ANK1: variants seen among roughly 807,000 people sequenced by gnomAD.
ANK1 encodes the protein ankyrin-1.
ANK1 carries 51 observed loss-of-function variants against 210.4 expected under a neutral mutation model. The ratio of observed to expected loss-of-function variants is 0.24; its 90% confidence interval spans 0.19 to 0.31. The LOEUF (loss-of-function observed/expected upper bound fraction) is 0.31, where lower values mean the gene tolerates loss of function less well. Among genes scored for constraint, ANK1 ranks in the 10% least tolerant of loss-of-function variants. ANK1 has a pLI of 1.00. For synonymous variants in ANK1, 967 were observed against 1,025.9 expected (o/e 0.94, Z 1.10); for missense variants, 2,051 against 2,504.4 (o/e 0.82, Z 3.86).
intron 1 of ANK1, among the ~76,000 whole-genome samples, chr8:41,862,928 C>T (rs1175140039): frequency 6.6e-6 from 1 of 152,114 alleles, no homozygotes; most frequent in East Asian, 1.9e-4. Flanking sequence ...AGGAGGATTG[C>T]TTGAGCCCAG....
chr8:41,840,501 C>T (rs1349623872), intron 1 of ANK1, among the ~76,000 whole-genome samples: 1 of 152,150 alleles, frequency 6.6e-6, no homozygotes, highest in African/African-American at 2.4e-5. Flanking sequence ...ACCTTTATTC[C>T]TCACAGTTCA....
At chr8:41,793,997 G>A (rs568761843) in intron 1 of ANK1, among the ~76,000 whole-genome samples, 11 of 152,240 alleles carry the variant, frequency 7.2e-5, no homozygotes, top group African/African-American at 2.6e-4. Flanking sequence ...AGTTGAGAAC[G>A]GTTGTACTAC....
At chr8:41,734,299 G>A (rs989631722) in intron 2 of ANK1, among the ~76,000 whole-genome samples, 5 of 152,192 alleles carry the variant, frequency 3.3e-5, no homozygotes, top group Admixed American at 1.3e-4. Flanking sequence ...GAACTAGCCC[G>A]CCACTCCCAG....
intron 1 of ANK1, among the ~76,000 whole-genome samples, chr8:41,796,773 C>CTTT (rs1415030236): frequency 6.6e-6 from 1 of 151,716 alleles, no homozygotes; most frequent in Non-Finnish European, 1.5e-5. Context: ...AACTAAGAAC[C>CTTT]GTACCCAACA....
intron 1 of ANK1, among the ~76,000 whole-genome samples, chr8:41,844,530 C>T (rs1267513755): frequency 6.6e-6 from 1 of 152,142 alleles, no homozygotes; most frequent in African/African-American, 2.4e-5. Context: ...CCCACACACA[C>T]ACTGCCACAG....
upstream of ANK1, among the ~76,000 whole-genome samples, chr8:41,798,986 T>G (rs948126030): frequency 5.9e-5 from 9 of 151,882 alleles, no homozygotes; most frequent in African/African-American, 1.9e-4. Context: ...CGTCTGTGTT[T>G]TCCACAGCAG....
intron 1 of ANK1, among the ~76,000 whole-genome samples, chr8:41,808,307 G>A (rs1851265132): frequency 6.6e-6 from 1 of 152,220 alleles, no homozygotes; most frequent in Non-Finnish European, 1.5e-5. Flanking sequence ...AAGCACTGGA[G>A]TAAGATGGTC....
rs59352080 is a variant in ANK1 at position 41,718,326 on chromosome 8, T to C, written c.1108-122A>G. 1,761 of 830,808 alleles carry C rather than the reference T, an allele frequency of 2.1e-3. 24 individuals are homozygous for C. In the African/African-American group the frequency reaches 0.026, roughly 12 times the overall value. 51.5% of individuals were successfully genotyped at this position (830,808 alleles called of 1,614,324 possible). Reference sequence around the variant, plus strand: ...TGCCCAGGCCACCAGCAGATGCCCATAGACCAATCAACGAATTAATGCCAA... The same window carrying C: ...TGCCCAGGCCACCAGCAGATGCCCACAGACCAATCAACGAATTAATGCCAA... On this transcript the variant is annotated intron_variant, in intron 10 of 42. Transcript: ENST00000289734.
intron 2 of ANK1, among the ~76,000 whole-genome samples, chr8:41,747,587 T>C (rs916800824): frequency 1.3e-5 from 2 of 152,214 alleles, no homozygotes; most frequent in African/African-American, 4.8e-5. Flanking sequence ...TGGAGCCTGG[T>C]GCATAAGGTT....
intron 1 of ANK1, among the ~76,000 whole-genome samples, chr8:41,866,744 A>G (rs1191629423): frequency 1.3e-5 from 2 of 152,226 alleles, no homozygotes. Context: ...CACTCAGCAC[A>G]TCGTCCTCAA....
chr8:41,865,628 C>T (rs1322716138), intron 1 of ANK1, among the ~76,000 whole-genome samples: 6 of 152,050 alleles, frequency 3.9e-5, no homozygotes, highest in African/African-American at 1.4e-4. Flanking sequence ...TGATTCTCTC[C>T]CCTCCTTTCC....
At chr8:41,832,519 C>G (rs909064417) in intron 1 of ANK1, among the ~76,000 whole-genome samples, 2 of 152,200 alleles carry the variant, frequency 1.3e-5, no homozygotes, top group African/African-American at 4.8e-5. Context: ...GCCACTCTCC[C>G]ACCCCCAGGC....
At chr8:41,759,853 T>C (rs1009401169) in intron 1 of ANK1, among the ~76,000 whole-genome samples, 1 of 152,032 alleles carries the variant, frequency 6.6e-6, no homozygotes, top group African/African-American at 2.4e-5. Context: ...TACAGATGAG[T>C]GGGCTGAGGC....
intron 1 of ANK1, among the ~76,000 whole-genome samples, chr8:41,821,496 T>C (rs1007684060): frequency 3.9e-5 from 6 of 152,128 alleles, no homozygotes; most frequent in African/African-American, 1.4e-4. Flanking sequence ...ACAAAATAAG[T>C]GCTCAGTAAT....
intron 1 of ANK1, among the ~76,000 whole-genome samples, chr8:41,836,154 A>C (rs1479385124): frequency 2.0e-5 from 3 of 152,230 alleles, no homozygotes; most frequent in Non-Finnish European, 4.4e-5. Context: ...GACTCCAACT[A>C]GGCCGGAAGT....
chr8:41,880,479 C>A (rs1339718366), intron 1 of ANK1, among the ~76,000 whole-genome samples: 1 of 152,192 alleles, frequency 6.6e-6, no homozygotes. Flanking sequence ...CCCGGGAAAG[C>A]AGCTGCCCTC....
At chr8:41,752,409 G>A (rs537005539) in intron 2 of ANK1, among the ~76,000 whole-genome samples, 2 of 152,216 alleles carry the variant, frequency 1.3e-5, no homozygotes, top group South Asian at 2.1e-4. Context: ...GTCAGCACTC[G>A]ACTTCCTCGA....
At chr8:41,807,979 G>A (rs1276263972) in intron 1 of ANK1, among the ~76,000 whole-genome samples, 3 of 151,764 alleles carry the variant, frequency 2.0e-5, no homozygotes, top group Non-Finnish European at 2.9e-5. Context: ...GGAGGAGGAG[G>A]AGGAAGAAGA....
chr8:41,690,643 G>T (rs749935175), intron 31 of ANK1, 44 bp from the exon 32 acceptor site: 1 of 1,601,720 alleles, frequency 6.2e-7, no homozygotes, highest in Non-Finnish European at 8.5e-7. Flanking sequence ...GGGAGAGAAG[G>T]GCCCAGATGT....
Sources: gnomAD v4.1 joint callset for allele counts (sites outside exome capture counted in the v4.1 genomes callset) on GRCh38, gnomAD v4.1.1 for gene constraint, MANE v1.5 for transcripts, NCBI Gene and HGNC (gene_info 2026-07-23, HGNC 2026-07-21) for gene names.